SDK1: variants seen among roughly 807,000 people sequenced by gnomAD.
SDK1 encodes the protein sidekick cell adhesion molecule 1.
SDK1 carries 157 observed loss-of-function variants against 245.5 expected under a neutral mutation model. The ratio of observed to expected loss-of-function variants is 0.64; its 90% CI spans 0.56 to 0.73. The LOEUF (loss-of-function observed/expected upper bound fraction) is 0.73. Among genes scored for constraint, SDK1 ranks in the 30% least tolerant of loss-of-function variants. The pLI, the probability that SDK1 is intolerant of heterozygous loss-of-function variation, is 0.00. For synonymous variants in SDK1, 1,647 were observed against 1,278.5 expected (o/e 1.29, Z -6.15); for missense variants, 3,583 against 3,002.3 (o/e 1.19, Z -4.52).
intron 1 of SDK1, among the ~76,000 whole-genome samples, chr7:3,581,023 T>G (rs555601307): frequency 2.8e-4 from 39 of 140,560 alleles, no homozygotes; most frequent in Non-Finnish European, 5.4e-4. Context: ...AGACAATCTA[T>G]GCATTACCAT....
chr7:3,472,578 T>G (rs187515338), intron 1 of SDK1, among the ~76,000 whole-genome samples: 1 of 152,318 alleles, frequency 6.6e-6, no homozygotes, highest in Admixed American at 6.5e-5. Context: ...TGGTTCTACA[T>G]TTAGGTAAAA....
rs183359673 is a variant in SDK1 at position 3,302,872 on chromosome 7, G to C, written c.298+988G>C. 4.3e-3 allele frequency among the ~76,000 whole-genome samples: 652 copies of C among 152,290 alleles called. 2 individuals carry two copies. The highest frequency in any genetic ancestry group is 7.0e-3 in the Non-Finnish European group (479 of 68,030). On this transcript the variant is annotated intron_variant, in intron 1 of 44. Coordinates refer to ENST00000404826, the MANE Select transcript of SDK1 (RefSeq NM_152744.4). Reference sequence around the variant, plus strand: ...AGGAACTCGATATTCTGAGATTGGCGAAGATGAGAGCATTAAACTTAAATT... The same window carrying C: ...AGGAACTCGATATTCTGAGATTGGCCAAGATGAGAGCATTAAACTTAAATT...
At chr7:3,917,816 A>G (rs1554281635) in intron 5 of SDK1, among the ~76,000 whole-genome samples, 1 of 152,164 alleles carries the variant, frequency 6.6e-6, no homozygotes. Context: ...ATGCACATGT[A>G]TGTAGATAGC....
At chr7:4,107,641 A>G (rs1783026433) in intron 22 of SDK1, among the ~76,000 whole-genome samples, 1 of 152,102 alleles carries the variant, frequency 6.6e-6, no homozygotes, top group Non-Finnish European at 1.5e-5. Flanking sequence ...AGCATTCAAC[A>G]CGGAGGCACT....
At chr7:3,656,082 C>T (rs906981883) in intron 4 of SDK1, among the ~76,000 whole-genome samples, 1 of 152,182 alleles carries the variant, frequency 6.6e-6, no homozygotes. Flanking sequence ...CATTAGTATT[C>T]ACAGCCAGCT....
intron 4 of SDK1, among the ~76,000 whole-genome samples, chr7:3,818,321 T>G (rs1779559446): frequency 6.6e-6 from 1 of 152,202 alleles, no homozygotes. Flanking sequence ...GCCAGGTAAT[T>G]CATATTATGG....
intron 5 of SDK1, among the ~76,000 whole-genome samples, chr7:3,899,966 A>G (rs1340296534): frequency 3.3e-5 from 5 of 152,244 alleles, no homozygotes; most frequent in East Asian, 3.8e-4. Flanking sequence ...AAGCATTTGA[A>G]TGAATTTTTA....
intron 12 of SDK1, among the ~76,000 whole-genome samples, 190 bp from the exon 13 acceptor site, chr7:3,974,179 G>A (rs1782705167): frequency 1.2e-5 from 1 of 86,094 alleles, no homozygotes; most frequent in South Asian, 3.8e-4. Context: ...GCAAGACTCT[G>A]TCTCAAAAAA....
Position 3,393,376 on chromosome 7 carries a change from T to A in SDK1, c.298+91492T>A, listed in dbSNP as rs76575886. Among the ~76,000 whole-genome samples the A allele has an allele frequency of 6.8e-4, 104 of 152,306 alleles. 4 individuals carry two copies. In the East Asian group the frequency reaches 0.019, roughly 27 times the overall value. On this transcript the variant is annotated intron_variant, in intron 1 of 44. Transcript: ENST00000404826. Reference sequence around the variant, plus strand: ...GGAAATGCCAAAATGTTTTTCACAGTGGCTGCACCATTATACTACTTAACA... The same window carrying A: ...GGAAATGCCAAAATGTTTTTCACAGAGGCTGCACCATTATACTACTTAACA...
intron 1 of SDK1, among the ~76,000 whole-genome samples, chr7:3,519,834 G>T (rs1188235794): frequency 6.6e-6 from 1 of 152,090 alleles, no homozygotes; most frequent in African/African-American, 2.4e-5. Flanking sequence ...AAACTTATAA[G>T]AAGTATAATT....
At chr7:3,650,014 G>GA (rs35857495) in intron 4 of SDK1, among the ~76,000 whole-genome samples, 65,117 of 143,008 alleles carry the variant, frequency 0.46, 14,723 homozygotes, top group Middle Eastern at 0.54. Context: ...TTTTTGTTTT[G>GA]AAAAAAAAAA....
intron 4 of SDK1, among the ~76,000 whole-genome samples, chr7:3,657,531 G>A (rs993848457): frequency 1.3e-5 from 2 of 152,214 alleles, no homozygotes; most frequent in African/African-American, 4.8e-5. Flanking sequence ...GAGGGACTGT[G>A]AGAGCCAGCT....
At chr7:3,944,081 T>C (rs538488226) in intron 5 of SDK1, among the ~76,000 whole-genome samples, 2 of 152,226 alleles carry the variant, frequency 1.3e-5, no homozygotes, top group South Asian at 4.2e-4. Context: ...AGGGAAGGAG[T>C]GTTCTAGTTA....
At chr7:3,640,988 T>A (rs1441730016) in intron 3 of SDK1, among the ~76,000 whole-genome samples, 2 of 144,822 alleles carry the variant, frequency 1.4e-5, no homozygotes, top group African/African-American at 5.2e-5. Context: ...TGCGTTTAGA[T>A]TTTTTTTTTT....
intron 9 of SDK1, among the ~76,000 whole-genome samples, chr7:3,964,211 G>A (rs997319190): frequency 6.6e-6 from 1 of 152,206 alleles, no homozygotes; most frequent in Admixed American, 6.5e-5. Flanking sequence ...GACCAGGAGA[G>A]CCAGCTCTCA....
intron 1 of SDK1, among the ~76,000 whole-genome samples, chr7:3,468,484 C>A (rs890522448): frequency 1.3e-5 from 2 of 152,152 alleles, no homozygotes; most frequent in Non-Finnish European, 2.9e-5. Context: ...CCCCTTTCCC[C>A]ATAGCCAGCC....
chr7:3,604,602 C>CTTTTTTTTTT (rs201453008), intron 1 of SDK1, among the ~76,000 whole-genome samples: 9 of 110,514 alleles, frequency 8.1e-5, no homozygotes, highest in Admixed American at 1.1e-4. Flanking sequence ...CTTTTCTTTT[C>CTTTTTTTTTT]TTTTTTTTTT....
At chr7:3,378,782 G>A (rs1359929448) in intron 1 of SDK1, among the ~76,000 whole-genome samples, 1 of 152,018 alleles carries the variant, frequency 6.6e-6, no homozygotes, top group African/African-American at 2.4e-5. Flanking sequence ...CATATAGCGG[G>A]GCAGGGTATT....
intron 1 of SDK1, among the ~76,000 whole-genome samples, chr7:3,421,460 A>G (rs977255123): frequency 2.0e-5 from 3 of 152,132 alleles, no homozygotes; most frequent in Non-Finnish European, 4.4e-5. Context: ...AAGCCTTTTA[A>G]AACTGCATTT....
Sources: gnomAD v4.1 joint callset for allele counts (sites outside exome capture counted in the v4.1 genomes callset) on GRCh38, gnomAD v4.1.1 for gene constraint, MANE v1.5 for transcripts, NCBI Gene and HGNC (gene_info 2026-07-23, HGNC 2026-07-21) for gene names.